Variants in TRMT11 observed in about 807,000 individuals in gnomAD.
TRMT11 encodes the protein tRNA (guanine(10)-N(2))-methyltransferase TRMT11.
A neutral mutation model predicts 62.8 loss-of-function variants in TRMT11; 53 were observed. The observed-to-expected ratio is 0.84, with a 90% CI of 0.68 to 1.06. TRMT11 has a LOEUF of 1.06. Ranked by LOEUF, TRMT11 falls within the 50% of genes least tolerant of loss-of-function variation. The pLI is 0.00. For missense variants in TRMT11, 556 were observed against 553.4 expected (o/e 1.00, Z -0.05); for synonymous variants, 188 against 190.3 (o/e 0.99, Z 0.10).
At chr6:126,007,636 C>T (rs1436305963) in intron 7 of TRMT11, among the ~76,000 whole-genome samples, 2 of 151,822 alleles carry the variant, frequency 1.3e-5, no homozygotes, top group African/African-American at 2.4e-5. Flanking sequence ...TAAAGAGTTT[C>T]ATTATTATTT....
At chr6:126,130,501 A>G (rs1174658756) in intron 21 of TRMT11, among the ~76,000 whole-genome samples, 1 of 152,082 alleles carries the variant, frequency 6.6e-6, no homozygotes, top group Non-Finnish European at 1.5e-5. Flanking sequence ...TTCTGCCTGT[A>G]GGGTGTGTGC....
chr6:126,148,734 A>G (rs1293200656), intron 21 of TRMT11, among the ~76,000 whole-genome samples: 3 of 152,232 alleles, frequency 2.0e-5, no homozygotes, highest in Non-Finnish European at 4.4e-5. Context: ...TGATTAATAT[A>G]ACCACTAGAT....
At chr6:126,043,702 C>T (rs1444398925), downstream of TRMT11, among the ~76,000 whole-genome samples, 2 of 151,814 alleles carry the variant, frequency 1.3e-5, no homozygotes, top group African/African-American at 4.8e-5. Flanking sequence ...TCTCCACATC[C>T]TCTCCAGCAC....
chr6:126,079,569 G>T (rs950392971), intron 17 of TRMT11, among the ~76,000 whole-genome samples: 9 of 152,044 alleles, frequency 5.9e-5, no homozygotes, highest in African/African-American at 2.2e-4. Flanking sequence ...TAGTTTAGTA[G>T]TACCTTAGGA....
the TRMT11 span, among the ~76,000 whole-genome samples, chr6:126,237,408 G>A: frequency 3.3e-5 from 5 of 152,130 alleles, no homozygotes; most frequent in Non-Finnish European, 5.9e-5. Flanking sequence ...GGCCAGGCAC[G>A]GTGGCTCACA....
chr6:126,078,170 C>G (rs1777073766), intron 17 of TRMT11, among the ~76,000 whole-genome samples: 1 of 152,120 alleles, frequency 6.6e-6, no homozygotes, highest in South Asian at 2.1e-4. Flanking sequence ...AGTCACTTTC[C>G]TGAGGGAAAT....
chr6:126,168,717 C>T (rs1248417404), intron 21 of TRMT11, among the ~76,000 whole-genome samples: 2 of 152,196 alleles, frequency 1.3e-5, no homozygotes, highest in African/African-American at 4.8e-5. Context: ...AGGAGTTTCA[C>T]CCTGTTGGCC....
At chr6:126,171,958 A>T (rs1473078352) in intron 21 of TRMT11, among the ~76,000 whole-genome samples, 14 of 152,064 alleles carry the variant, frequency 9.2e-5, no homozygotes. Flanking sequence ...ATCTCAGGTG[A>T]TCCACCCGCC....
intron 17 of TRMT11, among the ~76,000 whole-genome samples, chr6:126,097,505 GT>G (rs1777354522): frequency 6.6e-6 from 1 of 152,152 alleles, no homozygotes; most frequent in South Asian, 2.1e-4. Context: ...TAGGGCAATA[GT>G]ATATAGTGGT....
intron 1 of TRMT11, among the ~76,000 whole-genome samples, chr6:126,189,916 CAT>C (rs1381742152): frequency 6.6e-6 from 1 of 151,874 alleles, no homozygotes; most frequent in Non-Finnish European, 1.5e-5. Flanking sequence ...TTAAATATAT[CAT>C]AGTGGTACAT....
At chr6:126,041,398 G>A (rs556403061), downstream of TRMT11, among the ~76,000 whole-genome samples, 1 of 152,130 alleles carries the variant, frequency 6.6e-6, no homozygotes, top group South Asian at 2.1e-4. Flanking sequence ...CAGGAAATTA[G>A]ACGTTGAGGT....
chr6:126,122,145 A>G (rs1182189416), intron 21 of TRMT11, among the ~76,000 whole-genome samples: 1 of 151,966 alleles, frequency 6.6e-6, no homozygotes, highest in Non-Finnish European at 1.5e-5. Flanking sequence ...TTTGCTCCCC[A>G]TTCATCTTCT....
rs755343318 is a variant in TRMT11, at chr6:126,038,702, C to T, written c.1261-3C>T. 1.3e-6 allele frequency: 2 copies of T among 1,539,890 alleles called. No individual in the cohort carries two copies. Among genetic ancestry groups the T allele is most frequent in the Admixed American group, 2.2e-5 (1 of 44,660 alleles). The stretch of plus-strand genomic sequence containing the variant: ...TTACATTTTGTATTTTCCAACCAAA[C>T]AGAATCGGGACCAGTATTCACATCT... On this transcript the variant is annotated splice_polypyrimidine_tract_variant and splice_region_variant and intron_variant, in intron 12 of 12. Transcript: ENST00000334379.
intron 12 of TRMT11, among the ~76,000 whole-genome samples, chr6:126,024,911 A>G (rs1772767268): frequency 6.6e-6 from 1 of 152,252 alleles, no homozygotes; most frequent in African/African-American, 2.4e-5. Context: ...TGAGTTAGTA[A>G]TATAATAGTA....
intron 21 of TRMT11, among the ~76,000 whole-genome samples, chr6:126,127,245 T>C (rs1164918056): frequency 6.6e-6 from 1 of 151,510 alleles, no homozygotes; most frequent in Non-Finnish European, 1.5e-5. Context: ...ATGTGAGGAG[T>C]AGTTGAGAAG....
At position 126,057,278 on chromosome 6, in the gene TRMT11, T is replaced by G. The variant is rs1403632327; in HGVS notation, c.*1437+4088T>G. Among the ~76,000 whole-genome samples the G allele has an allele frequency of 3.3e-5, 5 of 152,244 alleles. No homozygotes were observed. The East Asian group carries it at 9.6e-4, about 29-fold the overall frequency. On this transcript the variant is annotated intron_variant and NMD_transcript_variant, in intron 17 of 22. Coordinates refer to the TRMT11 transcript ENST00000648977. ...AATCTGATGGTGTCTATGGTTGTCTTGATTTTCTGATGCCAGGAATTGAAT... is the reference window on the plus strand; with the variant it reads ...AATCTGATGGTGTCTATGGTTGTCTGGATTTTCTGATGCCAGGAATTGAAT...
At chr6:126,232,680 C>G in the TRMT11 span, among the ~76,000 whole-genome samples, 1 of 152,136 alleles carries the variant, frequency 6.6e-6, no homozygotes, top group Admixed American at 6.6e-5. Context: ...CACTTAGATG[C>G]TTTTCCCAGA....
At chr6:126,257,051 A>C in the TRMT11 span, among the ~76,000 whole-genome samples, 1 of 151,416 alleles carries the variant, frequency 6.6e-6, no homozygotes, top group East Asian at 1.9e-4. Context: ...ACACCCGGCT[A>C]ATTTTTGTTT....
At chr6:126,005,173 T>C (rs1461225830) in intron 7 of TRMT11, among the ~76,000 whole-genome samples, 1 of 152,072 alleles carries the variant, frequency 6.6e-6, no homozygotes, top group Admixed American at 6.6e-5. Flanking sequence ...GTGAATGGCA[T>C]ATATAACACT....
Sources: allele counts gnomAD v4.1 joint callset (sites outside exome capture counted in the v4.1 genomes callset), GRCh38; gene constraint gnomAD v4.1.1; transcripts MANE v1.5; gene names NCBI Gene and HGNC (gene_info 2026-07-23, HGNC 2026-07-21).